Variants in MBP observed in about 807,000 individuals in gnomAD.
The protein encoded by MBP is myelin basic protein.
A neutral mutation model predicts 35.8 loss-of-function variants in MBP; 16 were observed. The ratio of observed to expected loss-of-function variants is 0.45; its 90% CI spans 0.30 to 0.68. MBP has a LOEUF of 0.68. MBP is among the 30% of genes least tolerant of loss of function. The pLI is 0.08. For missense variants in MBP, 380 were observed against 404.7 expected, an observed-to-expected ratio of 0.94 and a Z score of 0.52; for synonymous variants, 143 against 159.6, an observed-to-expected ratio of 0.90 and a Z score of 0.78.
intron 4 of MBP, chr18:77,006,527 GCAGA>G (rs536111103): frequency 6.5e-6 from 1 of 153,484 alleles, no homozygotes; most frequent in African/African-American, 2.4e-5. Flanking sequence ...CAGGGGCTGA[GCAGA>G]CAGAGGAACT....
intron 3 of MBP, among the ~76,000 whole-genome samples, chr18:77,058,616 C>T (rs1003805396): frequency 6.6e-6 from 1 of 152,152 alleles, no homozygotes; most frequent in Non-Finnish European, 1.5e-5. Context: ...AAATCGTGGA[C>T]GCACTTGGAA....
chr18:77,086,493 G>T (rs1975241592), intron 2 of MBP, among the ~76,000 whole-genome samples: 1 of 152,106 alleles, frequency 6.6e-6, no homozygotes, highest in Admixed American at 6.5e-5. Context: ...TTAGAATATG[G>T]TTACACGAAG....
chr18:77,071,547 C>T (rs1974448366), intron 2 of MBP, among the ~76,000 whole-genome samples: 2 of 152,054 alleles, frequency 1.3e-5, no homozygotes, highest in African/African-American at 4.8e-5. Context: ...CTTTACTGAC[C>T]CAACCAGGGA....
intron 2 of MBP, chr18:77,068,969 A>T: frequency 2.1e-6 from 1 of 471,192 alleles, no homozygotes; most frequent in Non-Finnish European, 4.3e-6. Flanking sequence ...GGGGACTCTG[A>T]CCTCACCTCG....
chr18:77,024,453 T>A (rs549892520), intron 3 of MBP, among the ~76,000 whole-genome samples: 3 of 152,260 alleles, frequency 2.0e-5, no homozygotes, highest in Non-Finnish European at 4.4e-5. Flanking sequence ...AATAAAACCA[T>A]TTAGCATGGC....
chr18:76,995,376 G>A (rs1379359086), intron 4 of MBP, among the ~76,000 whole-genome samples: 9 of 152,152 alleles, frequency 5.9e-5, no homozygotes, highest in Non-Finnish European at 1.3e-4. Context: ...AGCAAAAATA[G>A]CCAAACAATT....
chr18:77,089,229 G>A (rs758125133), intron 2 of MBP, among the ~76,000 whole-genome samples: 12 of 152,230 alleles, frequency 7.9e-5, no homozygotes, highest in Non-Finnish European at 1.3e-4. Context: ...GGCCCTGGCT[G>A]GCAGGCCCTG....
intron 2 of MBP, among the ~76,000 whole-genome samples, chr18:77,081,749 CATAT>C (rs3056773): frequency 0.11 from 15,143 of 135,804 alleles, 883 homozygotes; most frequent in South Asian, 0.13. Context: ...TTCATAGCAG[CATAT>C]ATATATATAT....
At chr18:77,037,189 G>T (rs2850209) in intron 3 of MBP, among the ~76,000 whole-genome samples, 2 of 131,974 alleles carry the variant, frequency 1.5e-5, no homozygotes, top group South Asian at 2.7e-4. Context: ...TGCTGGTCAC[G>T]TTTTGGAGAC....
upstream of MBP, chr18:77,132,880 G>C (rs956034693): frequency 4.6e-5 from 7 of 151,864 alleles, no homozygotes; most frequent in Non-Finnish European, 1.0e-4. Context: ...CGATCCCGCC[G>C]GGCCCGCCCC....
chr18:77,009,928 T>A, intron 4 of MBP: 1 of 1,578,472 alleles, frequency 6.3e-7, no homozygotes, highest in East Asian at 2.3e-5. Context: ...CCAGGGTACC[T>A]GCCGGGGGAC....
chr18:77,093,767 G>C (rs1432563537), intron 2 of MBP, among the ~76,000 whole-genome samples: 1 of 152,144 alleles, frequency 6.6e-6, no homozygotes, highest in Non-Finnish European at 1.5e-5. Flanking sequence ...ACGGGCGGGC[G>C]CTGCAACTGC....
chr18:77,009,880 C>T lies in MBP; in HGVS notation c.576+6952G>A, dbSNP rs370241894. ...CATGTTGCACAGCCCAGGCTGGCTG[C>T]GGGCATGAGAGGGCAGAGGGCTCCG... On this transcript the variant is annotated intron_variant, in intron 4 of 8. Coordinates refer to ENST00000355994, the MANE Select transcript of MBP (RefSeq NM_001025101.2). The T allele has an allele frequency of 2.4e-5, 39 of 1,594,956 alleles. No homozygotes were observed. In the East Asian group the frequency reaches 3.2e-4, roughly 13 times the overall value.
rs759293996 is a variant in MBP, at chr18:77,016,853, C to T, written c.555G>A (p.Ala185=). The T allele has an allele frequency of 1.1e-5, 17 of 1,614,080 alleles. No individual in the cohort carries two copies. Among genetic ancestry groups the T allele is most frequent in the Non-Finnish European group, 1.3e-5 (15 of 1,180,056 alleles). Residue 185 remains alanine (A), a synonymous_variant, in exon 4 of 9, where the codon GCG becomes GCA. Transcript: ENST00000355994. Reference sequence around the variant, plus strand: ...TCACCTTGCCAGAGCCCCGCTTGGGCGCACCCCTGTCACCGCCAAAGAAGC... The same window carrying T: ...TCACCTTGCCAGAGCCCCGCTTGGGTGCACCCCTGTCACCGCCAAAGAAGC... ...IGRFFGGDRG[A]PKRGSGKDSH... is the part of the protein sequence containing the mutation.
intron 1 of MBP, among the ~76,000 whole-genome samples, chr18:77,132,331 G>A (rs1171852845): frequency 2.0e-5 from 3 of 152,190 alleles, no homozygotes; most frequent in Non-Finnish European, 4.4e-5. Context: ...ACTTGGGTTC[G>A]GGTCAGGGAG....
intron 1 of MBP, among the ~76,000 whole-genome samples, chr18:77,126,755 A>G (rs1977064502): frequency 6.6e-6 from 1 of 152,244 alleles, no homozygotes; most frequent in South Asian, 2.1e-4. Context: ...AAACGTGGAA[A>G]CTGAAGTTAA....
intron 1 of MBP, among the ~76,000 whole-genome samples, chr18:77,128,449 C>T (rs1025759438): frequency 6.6e-6 from 1 of 151,952 alleles, no homozygotes; most frequent in Non-Finnish European, 1.5e-5. Flanking sequence ...ACTCTCCTGT[C>T]CTCTGATGTG....
intron 4 of MBP, chr18:77,016,313 G>A (rs1368172052): frequency 5.1e-6 from 5 of 986,626 alleles, no homozygotes; most frequent in Middle Eastern, 5.2e-4. Context: ...CACAGAGAAC[G>A]TTTGCTCAAG....
intron 1 of MBP, among the ~76,000 whole-genome samples, chr18:77,123,534 C>T (rs1976952311): frequency 6.6e-6 from 1 of 152,246 alleles, no homozygotes. Context: ...CTGTTTCCTT[C>T]CTTCACTTAC....
Sources: gnomAD v4.1 joint callset for allele counts (sites outside exome capture counted in the v4.1 genomes callset) on GRCh38, gnomAD v4.1.1 for gene constraint, MANE v1.5 for transcripts, NCBI Gene and HGNC (gene_info 2026-07-23, HGNC 2026-07-21) for gene names.